The following MAD2L1 variants were observed in gnomAD, a reference collection of about 807,000 sequenced individuals.
MAD2L1 encodes mitotic arrest deficient 2 like 1, also known as mitotic spindle assembly checkpoint protein MAD2A.
A neutral mutation model predicts 25.9 loss-of-function variants in MAD2L1; 10 were observed. The ratio of observed to expected loss-of-function variants is 0.39; its 90% CI spans 0.24 to 0.66. The LOEUF is 0.66. MAD2L1 is among the 30% of genes least tolerant of loss of function. The pLI is 0.49. For missense variants in MAD2L1, 180 were observed against 246.4 expected (o/e 0.73, Z 1.80); for synonymous variants, 81 against 91.8 (o/e 0.88, Z 0.67).
chr4:120,061,098 G>A (rs148714335), intron 3 of MAD2L1, 121 bp from the exon 4 acceptor site: 20 of 595,900 alleles, frequency 3.4e-5, no homozygotes, highest in Non-Finnish European at 5.7e-5. Flanking sequence ...GGGCTTATTT[G>A]AGAAAGGAGG....
At position 120,060,876 on chromosome 4, in the gene MAD2L1, G is replaced by T; in HGVS notation, c.443C>A (p.Ser148Tyr). 1.3e-6 allele frequency: 2 copies of T among 1,596,382 alleles called. No homozygotes were observed. The highest frequency in any genetic ancestry group is 1.7e-6 in the Non-Finnish European group (2 of 1,166,794). The change falls in exon 4 of 5, where the codon TCT becomes TAT. Residue 148 changes from serine (S) to tyrosine (Y), a missense_variant and splice_region_variant. Coordinates refer to ENST00000296509, the MANE Select transcript of MAD2L1 (RefSeq NM_002358.4). The stretch of plus-strand genomic sequence containing the variant: ...ACAAGAAGTTGTATAATACTTACAA[G>T]AAACTTCCAACAGTGGCAGAAATGT... ...TVTFLPLLEV[S>Y]CSFDLLIYTD...
chr4:120,062,732 A>G (rs1726244926), intron 2 of MAD2L1, among the ~76,000 whole-genome samples: 1 of 152,228 alleles, frequency 6.6e-6, no homozygotes, highest in Non-Finnish European at 1.5e-5. Flanking sequence ...AAGACCAGGG[A>G]AGTCATTACT....
At chr4:120,065,907 T>G (rs1259953844) in intron 1 of MAD2L1, 89 bp from the exon 2 acceptor site, 1 of 1,325,492 alleles carries the variant, frequency 7.5e-7, no homozygotes, top group Non-Finnish European at 1.1e-6. Flanking sequence ...ATATTTTCAT[T>G]AGGCTATACA....
At chr4:120,060,367 G>T in intron 4 of MAD2L1, 77 bp from the exon 5 acceptor site, 1 of 1,217,050 alleles carries the variant, frequency 8.2e-7, no homozygotes, top group Non-Finnish European at 1.1e-6. Context: ...CTTCTATTTT[G>T]AACCACTCAC....
At position 120,060,926 on chromosome 4, in the gene MAD2L1, C is replaced by G; in HGVS notation, c.393G>C (p.Val131=). The part of the protein sequence containing the change: ...QKAIQDEIRS[V]IRQITATVTF... The stretch of plus-strand genomic sequence containing the variant: ...TCACCGTAGCTGTGATCTGTCTGAT[C>G]ACTGAACGGATTTCATCCTGGATAG... The change falls in exon 4 of 5, where the codon GTG becomes GTC. Residue 131 remains valine, a synonymous_variant. Coordinates refer to ENST00000296509, the MANE Select transcript of MAD2L1 (RefSeq NM_002358.4). 1 of 1,611,790 alleles carries G rather than the reference C, an allele frequency of 6.2e-7. No individual in the cohort carries two copies. Among genetic ancestry groups the G allele is most frequent in the Non-Finnish European group, 8.5e-7 (1 of 1,178,260 alleles).
chr4:120,060,394 T>A, intron 4 of MAD2L1, 104 bp from the exon 5 acceptor site: 2 of 869,676 alleles, frequency 2.3e-6, no homozygotes, highest in Non-Finnish European at 3.3e-6. Flanking sequence ...AAAAGGTCAT[T>A]TGGCTTGGTC....
rs1726159897 is a variant in MAD2L1, at chr4:120,059,017, C to G, written c.*1101G>C. On this transcript the variant is annotated 3_prime_UTR_variant, in exon 5 of 5. Coordinates refer to ENST00000296509, the MANE Select transcript of MAD2L1 (RefSeq NM_002358.4). Reference sequence around the variant, plus strand: ...CTTTACAAATCTGCCTTAAACTGACCTTGGAAAAACAGGTGAGAACTGGAT... The same window carrying G: ...CTTTACAAATCTGCCTTAAACTGACGTTGGAAAAACAGGTGAGAACTGGAT... The G allele has an allele frequency of 6.6e-6, 1 of 152,034 alleles. No individual in the cohort carries two copies. Among genetic ancestry groups the G allele is most frequent in the African/African-American group, 2.4e-5 (1 of 41,404 alleles). 9.4% of individuals were successfully genotyped at this position (152,034 alleles called of 1,614,324 possible). A position where few individuals can be genotyped will look rare whatever the true frequency, so the allele number is the denominator to read the frequency against.
intron 2 of MAD2L1, among the ~76,000 whole-genome samples, chr4:120,065,161 AAAAC>A (rs1190732198): frequency 1.2e-4 from 18 of 152,252 alleles, no homozygotes; most frequent in East Asian, 3.8e-4. Flanking sequence ...AAATACGTGA[AAAAC>A]AAACAAACAA....
Position 120,056,717 on chromosome 4 carries a change from TTG to T in MAD2L1, c.*3399_*3400del. On this transcript the variant is annotated 3_prime_UTR_variant, in exon 5 of 5. Coordinates refer to ENST00000296509, the MANE Select transcript of MAD2L1 (RefSeq NM_002358.4). ...AAATAGGCATGGGCTCTTTATCCTA[TTG>T]TGAGTCTCATAAAAAGGGTCTCTTT... 1 of 152,336 alleles carries T rather than the reference TTG, an allele frequency of 6.6e-6. No individual in the cohort carries two copies. 9.4% of individuals were successfully genotyped at this position (152,336 alleles called of 1,614,324 possible).
In MAD2L1 at chr4:120,055,686, A is replaced by T. The variant is rs1726096876; in HGVS notation, c.*4432T>A. ...ATAACTAGAAATATTTCATACATTT[A>T]AAAAAAGAATAAGAAATTATTTACA... On this transcript the variant is annotated 3_prime_UTR_variant, in exon 5 of 5. Transcript: ENST00000296509. 1 of 152,290 alleles carries T rather than the reference A, an allele frequency of 6.6e-6. No individual in the cohort carries two copies. The highest frequency in any genetic ancestry group is 1.9e-4 in the East Asian group (1 of 5,186). 9.4% of individuals were successfully genotyped at this position (152,290 alleles called of 1,614,324 possible). A position where few individuals can be genotyped will look rare whatever the true frequency, so the allele number is the denominator to read the frequency against.
Position 120,056,576 on chromosome 4 carries a change from T to G in MAD2L1, c.*3542A>C, listed in dbSNP as rs1342008929. The G allele has an allele frequency of 6.6e-6, 1 of 152,220 alleles. No homozygotes were observed. The highest frequency in any genetic ancestry group is 2.4e-5 in the African/African-American group (1 of 41,452). 9.4% of individuals were successfully genotyped at this position (152,220 alleles called of 1,614,324 possible). On this transcript the variant is annotated 3_prime_UTR_variant, in exon 5 of 5. Coordinates refer to ENST00000296509, the MANE Select transcript of MAD2L1 (RefSeq NM_002358.4). ...TGGTCTATGAAGTTATCTACCTTAT[T>G]GTGCTAATAATCTTTGAATCTATAT...
At chr4:120,065,496 C>T (rs1560771667) in intron 2 of MAD2L1, 176 bp downstream of exon 2, 1 of 525,478 alleles carries the variant, frequency 1.9e-6, no homozygotes, top group Non-Finnish European at 3.4e-6. Flanking sequence ...TCAGCCCACT[C>T]ACAATGTAGT....
intron 4 of MAD2L1, 53 bp downstream of exon 4, chr4:120,060,821 C>CTTAGTCTTTTTG: frequency 8.9e-7 from 1 of 1,128,866 alleles, no homozygotes; most frequent in Non-Finnish European, 1.3e-6. Flanking sequence ...ACGGCAGTAG[C>CTTAGTCTTTTTG]TTAGTCTTTT....
At chr4:120,060,834 C>A in intron 4 of MAD2L1, 40 bp downstream of exon 4, 2 of 1,313,960 alleles carry the variant, frequency 1.5e-6, no homozygotes, top group South Asian at 1.3e-5. Flanking sequence ...AGTCTTTTTG[C>A]CAATCAATTT....
At chr4:120,064,702 T>C (rs1204046104) in intron 2 of MAD2L1, among the ~76,000 whole-genome samples, 8 of 152,102 alleles carry the variant, frequency 5.3e-5, no homozygotes, top group Non-Finnish European at 8.8e-5. Context: ...TACACATAAA[T>C]GGCAAGGCAA....
chr4:120,059,917 A>G lies in MAD2L1; in HGVS notation c.*201T>C, dbSNP rs551418862. 60 of 424,554 alleles carry G rather than the reference A, an allele frequency of 1.4e-4. No individual in the cohort carries two copies. The highest frequency in any genetic ancestry group is 1.3e-3 in the Middle Eastern group (2 of 1,568). The allele number at this position is 424,554 out of a possible 1,614,324, so 26.3% of individuals were successfully genotyped here. On this transcript the variant is annotated 3_prime_UTR_variant, in exon 5 of 5. Coordinates refer to ENST00000296509, the MANE Select transcript of MAD2L1 (RefSeq NM_002358.4). ...GTTCCTTTTGAACAATGTGCAATAA[A>G]TTCATGATGTTAACTCCATGGTAAG...
intron 2 of MAD2L1, among the ~76,000 whole-genome samples, chr4:120,065,057 GTAATACATCAA>G (rs1329076420): frequency 6.6e-6 from 1 of 152,020 alleles, no homozygotes; most frequent in Non-Finnish European, 1.5e-5. Flanking sequence ...CACCCAACAG[GTAATACATCAA>G]TGTCTTCAGC....
chr4:120,060,208 G>A lies in MAD2L1; in HGVS notation c.528C>T (p.Thr176=). The change falls in exon 5 of 5, where the codon ACC becomes ACT. Residue 176 remains threonine (T), a synonymous_variant. Coordinates refer to ENST00000296509, the MANE Select transcript of MAD2L1 (RefSeq NM_002358.4). ...AACGAAGGCGGACTTCCTCAGAATTGGTAATAAACTGTGGTCCCGACTCTT... is the reference window on the plus strand; with the variant it reads ...AACGAAGGCGGACTTCCTCAGAATTAGTAATAAACTGTGGTCCCGACTCTT... ...KWEESGPQFI[T]NSEEVRLRSF... is the part of the protein sequence containing the mutation. 1 of 1,612,544 alleles carries A rather than the reference G, an allele frequency of 6.2e-7. No homozygotes were observed. Among genetic ancestry groups the A allele is most frequent in the Non-Finnish European group, 8.5e-7 (1 of 1,179,232 alleles).
rs1726112784 is a variant in MAD2L1 at position 120,056,525 on chromosome 4, T to C, written c.*3593A>G. 1 of 152,192 alleles carries C rather than the reference T, an allele frequency of 6.6e-6. No individual in the cohort carries two copies. Among genetic ancestry groups the C allele is most frequent in the Admixed American group, 6.5e-5 (1 of 15,270 alleles). 9.4% of individuals were successfully genotyped at this position (152,192 alleles called of 1,614,324 possible). The stretch of plus-strand genomic sequence containing the variant: ...ATGTAAATTTTAGATAAATTTTACA[T>C]ACTAAATGAAAACAAGATGAAGAAA... On this transcript the variant is annotated 3_prime_UTR_variant, in exon 5 of 5. Coordinates refer to ENST00000296509, the MANE Select transcript of MAD2L1 (RefSeq NM_002358.4).
Sources: allele counts gnomAD v4.1 joint callset (sites outside exome capture counted in the v4.1 genomes callset), GRCh38; gene constraint gnomAD v4.1.1; transcripts MANE v1.5; gene names NCBI Gene and HGNC (gene_info 2026-07-23, HGNC 2026-07-21).